Variants in CSMD1 observed in about 807,000 individuals in gnomAD.
The protein encoded by CSMD1 is CUB and sushi domain-containing protein 1.
A neutral mutation model predicts 417.5 loss-of-function variants in CSMD1; 213 were observed. That is an observed-to-expected ratio of 0.51 (90% CI 0.46 to 0.57). The LOEUF (loss-of-function observed/expected upper bound fraction) is 0.57. Ranked by LOEUF, CSMD1 falls within the 20% of genes least tolerant of loss-of-function variation. The pLI, the probability that CSMD1 is intolerant of heterozygous loss-of-function variation, is 0.00. For synonymous variants in CSMD1, 2,862 were observed against 1,736.8 expected (o/e 1.65, Z -16.11); for missense variants, 6,923 against 4,529.7 (o/e 1.53, Z -15.17).
chr8:4,891,605 C>A (rs1010816530), intron 1 of CSMD1, among the ~76,000 whole-genome samples: 2 of 152,002 alleles, frequency 1.3e-5, no homozygotes, highest in African/African-American at 4.8e-5. Context: ...ATGTCTTAAG[C>A]ACATAATCGG....
intron 39 of CSMD1, among the ~76,000 whole-genome samples, chr8:3,152,555 A>T (rs910582030): frequency 6.6e-6 from 1 of 152,168 alleles, no homozygotes; most frequent in Non-Finnish European, 1.5e-5. Flanking sequence ...CTTATTTGTA[A>T]TTTGAGAAAT....
chr8:4,427,437 T>C (rs1797626592), intron 2 of CSMD1, among the ~76,000 whole-genome samples: 1 of 151,746 alleles, frequency 6.6e-6, no homozygotes, highest in Admixed American at 6.6e-5. Context: ...TTAGATACCA[T>C]CCGGGGAAGA....
At chr8:3,720,620 T>TTCTCACACATACAC (rs72331833) in intron 6 of CSMD1, among the ~76,000 whole-genome samples, 1 of 143,322 alleles carries the variant, frequency 7.0e-6, no homozygotes, top group Non-Finnish European at 1.5e-5. Context: ...TCTTTATTCT[T>TTCTCACACATACAC]ACACACACAC....
chr8:3,449,894 C>T (rs1457559691), intron 12 of CSMD1, among the ~76,000 whole-genome samples: 1 of 152,160 alleles, frequency 6.6e-6, no homozygotes, highest in African/African-American at 2.4e-5. Flanking sequence ...TTATTTCAGA[C>T]ATTTAAACAT....
At chr8:4,948,722 C>T (rs1263123065) in intron 1 of CSMD1, among the ~76,000 whole-genome samples, 1 of 151,992 alleles carries the variant, frequency 6.6e-6, no homozygotes, top group Non-Finnish European at 1.5e-5. Flanking sequence ...TCTATGTAGG[C>T]ATCTGTACCA....
In CSMD1 at chr8:2,998,033, A is replaced by C. The variant is rs1585117689; in HGVS notation, c.8355T>G (p.Ser2785Arg). ...RAQCRSNGQW[S>R]SPLPTCRVVN... ...TACCTCGACACGTGGGCAGAGGGCT[A>C]CTCCACTGGCCGTTGCTCCGACACT... The change falls in exon 54 of 70, where the codon AGT becomes AGG. Residue 2785 changes from serine (S) to arginine (R), a missense_variant. Ser to Arg is a moderately radical substitution (Grantham distance 110). Transcript: ENST00000635120. 6.2e-7 allele frequency: 1 copy of C among 1,613,784 alleles called. No individual in the cohort carries two copies. The highest frequency in any genetic ancestry group is 8.5e-7 in the Non-Finnish European group (1 of 1,179,822).
At chr8:4,981,722 G>A (rs1443559826) in intron 1 of CSMD1, among the ~76,000 whole-genome samples, 1 of 152,142 alleles carries the variant, frequency 6.6e-6, no homozygotes, top group Non-Finnish European at 1.5e-5. Context: ...ACCTGCTGAT[G>A]TCCGTGCCCT....
chr8:4,395,362 G>A (rs963364260), intron 3 of CSMD1, among the ~76,000 whole-genome samples: 3 of 152,092 alleles, frequency 2.0e-5, no homozygotes, highest in Non-Finnish European at 1.5e-5. Flanking sequence ...TTAAGACTAG[G>A]GGAGTAGTCC....
chr8:4,941,609 T>G (rs987630663), intron 1 of CSMD1, among the ~76,000 whole-genome samples: 1 of 151,688 alleles, frequency 6.6e-6, no homozygotes, highest in East Asian at 1.9e-4. Context: ...TTAATTTTTA[T>G]TTTTTTTGAG....
chr8:3,978,671 C>T (rs1023759103), intron 5 of CSMD1, among the ~76,000 whole-genome samples: 1 of 152,108 alleles, frequency 6.6e-6, no homozygotes, highest in African/African-American at 2.4e-5. Context: ...GATGAAATTA[C>T]TCCTGCCCAA....
intron 46 of CSMD1, among the ~76,000 whole-genome samples, chr8:3,100,925 T>C (rs980510916): frequency 2.0e-5 from 3 of 152,162 alleles, no homozygotes; most frequent in African/African-American, 7.2e-5. Flanking sequence ...TGCCTGCTAT[T>C]ATCCAGCACA....
intron 2 of CSMD1, among the ~76,000 whole-genome samples, chr8:4,491,837 C>T (rs1801719828): frequency 6.6e-6 from 1 of 152,160 alleles, no homozygotes; most frequent in Admixed American, 6.6e-5. Context: ...TAAACACAGT[C>T]TTACTGTACG....
At position 4,453,995 on chromosome 8, in the gene CSMD1, G is replaced by A. The variant is rs183131475; in HGVS notation, c.303-33930C>T. 1.6e-3 allele frequency among the ~76,000 whole-genome samples: 245 copies of A among 151,470 alleles called. 1 individual carries two copies. Among genetic ancestry groups the A allele is most frequent in the African/African-American group, 5.7e-3 (236 of 41,330 alleles). ...CGCCACCGCGCCCGGCTAATTTTTT[G>A]TATTTTTTAGTAGAGACGGGGTTTC... On this transcript the variant is annotated intron_variant, in intron 2 of 69. Coordinates refer to ENST00000635120, the MANE Select transcript of CSMD1 (RefSeq NM_033225.6).
chr8:4,965,397 T>A (rs772281279), intron 1 of CSMD1, among the ~76,000 whole-genome samples: 7 of 152,236 alleles, frequency 4.6e-5, no homozygotes, highest in Non-Finnish European at 8.8e-5. Flanking sequence ...ATATTTTGAT[T>A]GACCACTCAC....
chr8:3,411,664 A>G (rs1034547015), intron 12 of CSMD1, among the ~76,000 whole-genome samples: 1 of 117,690 alleles, frequency 8.5e-6, no homozygotes, highest in Non-Finnish European at 1.8e-5. Flanking sequence ...TCATATATAT[A>G]TATACGTGTA....
intron 1 of CSMD1, among the ~76,000 whole-genome samples, chr8:4,784,114 G>T (rs920068357): frequency 6.6e-6 from 1 of 152,214 alleles, no homozygotes; most frequent in African/African-American, 2.4e-5. Context: ...TTTATTAGAA[G>T]ATAGCCAAGG....
In CSMD1 at chr8:4,399,581, C is replaced by T. The variant is rs559932000; in HGVS notation, c.415+20372G>A. Among the ~76,000 whole-genome samples the T allele has an allele frequency of 9.9e-5, 15 of 152,138 alleles. No homozygotes were observed. The South Asian group carries it at 2.9e-3, about 29-fold the overall frequency. On this transcript the variant is annotated intron_variant, in intron 3 of 69. Coordinates refer to ENST00000635120, the MANE Select transcript of CSMD1 (RefSeq NM_033225.6). The stretch of plus-strand genomic sequence containing the variant: ...ATAATCCCCCTTTTTTGTCTTTATA[C>T]CACCCCTGGATCTTGCCATATTTGT...
intron 1 of CSMD1, among the ~76,000 whole-genome samples, chr8:4,985,532 C>T (rs1258135254): frequency 1.3e-5 from 2 of 152,158 alleles, no homozygotes; most frequent in Non-Finnish European, 2.9e-5. Flanking sequence ...CAATTCTCTT[C>T]CTATCCCCAG....
At chr8:4,414,539 A>G (rs1013269504) in intron 3 of CSMD1, among the ~76,000 whole-genome samples, 3 of 152,200 alleles carry the variant, frequency 2.0e-5, no homozygotes, top group Non-Finnish European at 4.4e-5. Flanking sequence ...TTTATAAGTA[A>G]TAAACTACGA....
Sources: allele counts gnomAD v4.1 joint callset (sites outside exome capture counted in the v4.1 genomes callset), GRCh38; gene constraint gnomAD v4.1.1; transcripts MANE v1.5; gene names NCBI Gene and HGNC (gene_info 2026-07-23, HGNC 2026-07-21).